The following DMTN variants were observed in gnomAD, a reference collection of about 807,000 sequenced individuals.
DMTN encodes the protein dematin actin binding protein.
A neutral mutation model predicts 59.4 loss-of-function variants in DMTN; 27 were observed. The observed-to-expected ratio is 0.45, with a 90% confidence interval of 0.33 to 0.63. The LOEUF (loss-of-function observed/expected upper bound fraction) is 0.63. DMTN is among the 20% of genes least tolerant of loss of function. DMTN has a pLI of 0.02. For synonymous variants in DMTN, 221 were observed against 203.7 expected, an observed-to-expected ratio of 1.08 and a Z score of -0.72; for missense variants, 451 against 528.9, an observed-to-expected ratio of 0.85 and a Z score of 1.45.
chr8:22,071,788 G>A (rs1216740625), intron 8 of DMTN, among the ~76,000 whole-genome samples: 3 of 151,914 alleles, frequency 2.0e-5, no homozygotes, highest in Non-Finnish European at 4.4e-5. Flanking sequence ...CACCATGTTC[G>A]CCAGGATTGT....
At chr8:22,068,275 A>C (rs1405580446) in intron 4 of DMTN, among the ~76,000 whole-genome samples, 1 of 152,174 alleles carries the variant, frequency 6.6e-6, no homozygotes, top group Admixed American at 6.5e-5. Flanking sequence ...AGGACAAACT[A>C]TTCCCCAACT....
At chr8:22,076,823 G>C (rs931218538) in intron 10 of DMTN, among the ~76,000 whole-genome samples, 2 of 151,848 alleles carry the variant, frequency 1.3e-5, no homozygotes, top group Admixed American at 6.6e-5. Flanking sequence ...GGTTGAGATC[G>C]AGCCCCAGAA....
chr8:22,063,448 T>C (rs1808125044), intron 1 of DMTN, among the ~76,000 whole-genome samples: 1 of 152,234 alleles, frequency 6.6e-6, no homozygotes, highest in Non-Finnish European at 1.5e-5. Context: ...TCTTTGCTTA[T>C]AAAAAGTTTT....
rs1471323638 is a variant in DMTN, at chr8:22,069,124, C to G, written c.294+64C>G. 6 of 1,556,006 alleles carry G rather than the reference C, an allele frequency of 3.9e-6. No individual in the cohort carries two copies. In the Middle Eastern group the frequency reaches 5.1e-4, roughly 132 times the overall value. ...CCTGAAGGGGATCCTAACTCCCTCC[C>G]CTCACACATCAGACCAAGCTCTGCA... On this transcript the variant is annotated intron_variant, in intron 5 of 15. Coordinates refer to ENST00000358242, the MANE Select transcript of DMTN (RefSeq NM_001387751.1).
intron 1 of DMTN, among the ~76,000 whole-genome samples, chr8:22,064,872 G>A (rs568779130): frequency 6.6e-6 from 1 of 152,338 alleles, no homozygotes; most frequent in South Asian, 2.1e-4. Flanking sequence ...GGTAGGCACT[G>A]TGAATCGTGC....
chr8:22,079,302 T>A (rs10107040), intron 10 of DMTN, among the ~76,000 whole-genome samples: 2,722 of 13,638 alleles, frequency 0.2, 227 homozygotes, highest in East Asian at 0.26. Context: ...ATATATATAT[T>A]AGCTGGGTTT....
At position 22,081,609 on chromosome 8, in the gene DMTN, C is replaced by T; in HGVS notation, c.*146C>T. ...TGGGGGGCCAAAACCTCTGCAGTCCCCGGCAGTGAGCTATGGACTTTCTTC... is the reference window on the plus strand; with the variant it reads ...TGGGGGGCCAAAACCTCTGCAGTCCTCGGCAGTGAGCTATGGACTTTCTTC... On this transcript the variant is annotated 3_prime_UTR_variant, in exon 16 of 16. Transcript: ENST00000358242. 1.5e-6 allele frequency: 1 copy of T among 668,660 alleles called. No individual in the cohort carries two copies. Among genetic ancestry groups the T allele is most frequent in the South Asian group, 1.8e-5 (1 of 55,666 alleles). The allele number at this position is 668,660 out of a possible 1,614,324, so 41.4% of individuals were successfully genotyped here. A position where few individuals can be genotyped will look rare whatever the true frequency, so the allele number is the denominator to read the frequency against.
chr8:22,076,119 G>C (rs1269939867), intron 10 of DMTN, among the ~76,000 whole-genome samples: 4 of 152,144 alleles, frequency 2.6e-5, no homozygotes, highest in Non-Finnish European at 5.9e-5. Context: ...TAATAAGAGA[G>C]GCGGATTTTC....
upstream of DMTN, among the ~76,000 whole-genome samples, chr8:22,052,152 C>T (rs1362421980): frequency 1.3e-5 from 2 of 152,258 alleles, no homozygotes; most frequent in Non-Finnish European, 2.9e-5. Flanking sequence ...TCCACTGCCA[C>T]TGGTCTTGCC....
At chr8:22,078,576 C>G (rs1821482839) in intron 10 of DMTN, among the ~76,000 whole-genome samples, 1 of 151,544 alleles carries the variant, frequency 6.6e-6, no homozygotes, top group Non-Finnish European at 1.5e-5. Context: ...GAGATCACCT[C>G]AAGCTAAGGA....
intron 10 of DMTN, among the ~76,000 whole-genome samples, chr8:22,075,799 G>A (rs372209077): frequency 4.1e-4 from 62 of 152,144 alleles, no homozygotes; most frequent in African/African-American, 1.4e-3. Flanking sequence ...GATTGCAGGC[G>A]TGAGCCGCTG....
upstream of DMTN, among the ~76,000 whole-genome samples, chr8:22,056,489 C>T (rs907340986): frequency 6.6e-6 from 1 of 152,150 alleles, no homozygotes; most frequent in African/African-American, 2.4e-5. Context: ...CAGTAGCCCC[C>T]TCCCTCGACC....
At chr8:22,078,939 G>C (rs1039164462) in intron 10 of DMTN, among the ~76,000 whole-genome samples, 1 of 151,692 alleles carries the variant, frequency 6.6e-6, no homozygotes, top group African/African-American at 2.4e-5. Context: ...TGGGACTACA[G>C]GTGCCTGCTA....
intron 8 of DMTN, 25 bp downstream of exon 8, chr8:22,070,359 TG>T (rs1432804309): frequency 6.4e-6 from 10 of 1,570,672 alleles, no homozygotes; most frequent in Non-Finnish European, 8.6e-6. Flanking sequence ...GAGAGTGGAA[TG>T]GGTGGTCTGG....
chr8:22,065,643 G>C (rs985446885), intron 1 of DMTN, among the ~76,000 whole-genome samples: 5 of 151,960 alleles, frequency 3.3e-5, no homozygotes, highest in African/African-American at 9.7e-5. Context: ...AGGAGTTCAG[G>C]ACCAGCCTGG....
At position 22,070,318 on chromosome 8, in the gene DMTN, G is replaced by A. The variant is rs767628320; in HGVS notation, c.588G>A (p.Pro196=). ...KIETDYWPCP[P]SLAVVETEWR... Reference sequence around the variant, plus strand: ...AAACCGACTACTGGCCATGCCCCCCGTCTCTGGCTGTTGTGGGTAGGAGAG... The same window carrying A: ...AAACCGACTACTGGCCATGCCCCCCATCTCTGGCTGTTGTGGGTAGGAGAG... Residue 196 remains proline, a synonymous_variant, in exon 8 of 16, where the codon CCG becomes CCA. Transcript: ENST00000358242. The A allele has an allele frequency of 1.6e-5, 26 of 1,609,436 alleles. No homozygotes were observed. The highest frequency in any genetic ancestry group is 8.4e-5 in the Admixed American group (5 of 59,470).
At chr8:22,077,197 GAA>G (rs1469837052) in intron 10 of DMTN, among the ~76,000 whole-genome samples, 4 of 152,108 alleles carry the variant, frequency 2.6e-5, no homozygotes, top group Non-Finnish European at 4.4e-5. Flanking sequence ...GGTAGTGACA[GAA>G]GGTGGGAGGT....
chr8:22,069,115 A>T, intron 5 of DMTN, 55 bp downstream of exon 5: 3 of 1,572,328 alleles, frequency 1.9e-6, no homozygotes, highest in Non-Finnish European at 2.6e-6. Flanking sequence ...GGGGATCCTA[A>T]CTCCCTCCCC....
intron 10 of DMTN, 45 bp downstream of exon 10, chr8:22,073,880 A>G: frequency 6.6e-7 from 1 of 1,506,686 alleles, no homozygotes; most frequent in Non-Finnish European, 9.2e-7. Context: ...CCAGAGATGG[A>G]GGCCTGACTC....
Sources: gnomAD v4.1 joint callset for allele counts (sites outside exome capture counted in the v4.1 genomes callset) on GRCh38, gnomAD v4.1.1 for gene constraint, MANE v1.5 for transcripts, NCBI Gene and HGNC (gene_info 2026-07-23, HGNC 2026-07-21) for gene names.